The following PPP1R16B variants were observed in gnomAD, a reference collection of about 807,000 sequenced individuals.
PPP1R16B encodes protein phosphatase 1 regulatory inhibitor subunit 16B.
PPP1R16B carries 14 observed loss-of-function variants against 61.7 expected under a neutral mutation model. That is an observed-to-expected ratio of 0.23 (90% CI 0.15 to 0.35). The LOEUF is 0.35. PPP1R16B is among the 10% of genes least tolerant of loss of function. The pLI, the probability that PPP1R16B is intolerant of heterozygous loss-of-function variation, is 1.00. For synonymous variants in PPP1R16B, 266 were observed against 305.3 expected, an observed-to-expected ratio of 0.87 and a Z score of 1.34; for missense variants, 547 against 752.5, an observed-to-expected ratio of 0.73 and a Z score of 3.19.
intron 2 of PPP1R16B, among the ~76,000 whole-genome samples, chr20:38,883,799 A>T (rs955645241): frequency 1.3e-5 from 2 of 152,130 alleles, no homozygotes; most frequent in Non-Finnish European, 2.9e-5. Context: ...TTTTGTTTTT[A>T]TTTTTAAAAT....
rs938370128 is a variant in PPP1R16B at position 38,812,011 on chromosome 20, A to G, written c.-102+6219A>G. ...CAATCAATATGCATTAAAGGAATGA[A>G]TGAGGACTTGGAAGGCCTTATGTCC... is the stretch of plus-strand genomic sequence containing the variant. On this transcript the variant is annotated intron_variant, in intron 1 of 10. Transcript: ENST00000299824. 8.5e-5 allele frequency among the ~76,000 whole-genome samples: 13 copies of G among 152,352 alleles called. No individual in the cohort carries two copies. The East Asian group carries it at 1.5e-3, about 18-fold the overall frequency.
At chr20:38,843,241 A>G (rs1159633321) in intron 2 of PPP1R16B, among the ~76,000 whole-genome samples, 1 of 152,282 alleles carries the variant, frequency 6.6e-6, no homozygotes. Context: ...TCTGTTGGCT[A>G]TCTGCTTCTG....
At position 38,918,549 on chromosome 20, in the gene PPP1R16B, C is replaced by A. The variant is rs867176255; in HGVS notation, c.1587C>A (p.Ser529Arg). Residue 529 changes from serine (S) to arginine (R), a missense_variant, in exon 11 of 11, where the codon AGC (serine) becomes AGA (arginine). Physicochemically the swap from Ser to Arg is moderately radical, Grantham distance 110. Transcript: ENST00000299824. This position sits in a 1 kb window ranked among gnomAD's most constrained non-coding sequence, Gnocchi z 5.3. ...TCGGAGGCAGAACTTCACCGTACAG[C>A]AGCAATGGGACCTCGGTATATTACA... ...PLIGGRTSPY[S>R]SNGTSVYYTV... 1 of 1,571,856 alleles carries A rather than the reference C, an allele frequency of 6.4e-7. No individual in the cohort carries two copies.
rs541919037 is a variant in PPP1R16B at position 38,848,455 on chromosome 20, C to T, written c.250+12280C>T. 1.4e-3 allele frequency among the ~76,000 whole-genome samples: 210 copies of T among 152,292 alleles called. 1 individual carries two copies. Among genetic ancestry groups the T allele is most frequent in the African/African-American group, 4.9e-3 (205 of 41,556 alleles). On this transcript the variant is annotated intron_variant, in intron 2 of 10. Transcript: ENST00000299824. The stretch of plus-strand genomic sequence containing the variant: ...CAACCTGTCTATTCTGTTCCAGCAA[C>T]CTATTTTGGTGCCAGTTACATACTG...
intron 2 of PPP1R16B, among the ~76,000 whole-genome samples, chr20:38,849,630 T>C (rs2084954497): frequency 6.6e-6 from 1 of 151,644 alleles, no homozygotes; most frequent in Non-Finnish European, 1.5e-5. Context: ...CAGCTTCCCA[T>C]TAATGAAGCT....
chr20:38,841,353 GAAAAAAAAA>G lies in PPP1R16B; in HGVS notation c.250+5198_250+5206del, dbSNP rs34203271. On this transcript the variant is annotated intron_variant, in intron 2 of 10. Transcript: ENST00000299824. ...CCAGCCTGGAGAGCCTGTCTGTACTGAAAAAAAAAAAAAAAAAAAAAAAAAAAAGCCAGC... is the reference window on the plus strand; with the variant it reads ...CCAGCCTGGAGAGCCTGTCTGTACTGAAAAAAAAAAAAAAAAAAAGCCAGC... 6.1e-4 allele frequency among the ~76,000 whole-genome samples: 26 copies of G among 42,598 alleles called. No homozygotes were observed. In the East Asian group the frequency reaches 0.011, roughly 18 times the overall value. The allele number at this position is 42,598 out of a possible 152,430, so 27.9% of individuals were successfully genotyped here. A position where few individuals can be genotyped will look rare whatever the true frequency, so the allele number is the denominator to read the frequency against.
chr20:38,847,264 C>T (rs2084941325), intron 2 of PPP1R16B, among the ~76,000 whole-genome samples: 2 of 152,196 alleles, frequency 1.3e-5, no homozygotes, highest in African/African-American at 4.8e-5. Flanking sequence ...GTCCTGTTGT[C>T]TTAATTTGCA....
intron 2 of PPP1R16B, among the ~76,000 whole-genome samples, chr20:38,837,237 C>G (rs1037453326): frequency 6.6e-6 from 1 of 152,232 alleles, no homozygotes; most frequent in Non-Finnish European, 1.5e-5. Context: ...ACTTCGTTTA[C>G]ACCTCTGTAA....
At chr20:38,878,783 T>C (rs1024021602) in intron 2 of PPP1R16B, among the ~76,000 whole-genome samples, 5 of 152,246 alleles carry the variant, frequency 3.3e-5, no homozygotes, top group African/African-American at 1.2e-4. Context: ...AGTGTTTATA[T>C]GCATGTATCT....
rs148907205 is a variant in PPP1R16B, at chr20:38,877,558, C to T, written c.251-12037C>T. On this transcript the variant is annotated intron_variant, in intron 2 of 10. Coordinates refer to ENST00000299824, the MANE Select transcript of PPP1R16B (RefSeq NM_015568.4). ...AAATCCTGACGTCAGGTGATCCATC[C>T]GCCTCGGGCTCCCAAAGTGCTGGGA... Among the ~76,000 whole-genome samples the T allele has an allele frequency of 4.2e-3, 644 of 152,120 alleles. 4 individuals are homozygous for T. The highest frequency in any genetic ancestry group is 0.014 in the African/African-American group (561 of 41,480).
chr20:38,918,223 G>C lies in PPP1R16B; in HGVS notation c.1261G>C (p.Asp421His), dbSNP rs1421382642. The change falls in exon 11 of 11, where the codon GAC becomes CAC. Residue 421 changes from aspartate (D) to histidine (H), a missense_variant. Transcript: ENST00000299824. This position sits in a 1 kb window ranked among gnomAD's most constrained non-coding sequence, Gnocchi z 5.3. ...FPTKIPRGEL[D>H]MPVENGLRAP... ...TACCAAGATCCCACGAGGTGAACTG[G>C]ACATGCCTGTTGAGAATGGCCTCCG... 3 of 1,614,132 alleles carry C rather than the reference G, an allele frequency of 1.9e-6. No homozygotes were observed. The highest frequency in any genetic ancestry group is 2.5e-6 in the Non-Finnish European group (3 of 1,180,056).
chr20:38,834,795 C>T (rs1442003225), intron 1 of PPP1R16B, among the ~76,000 whole-genome samples: 2 of 151,870 alleles, frequency 1.3e-5, no homozygotes, highest in East Asian at 1.9e-4. Flanking sequence ...TAATCTATAA[C>T]ATATTTTTAT....
At chr20:38,917,826 C>G (rs1459001890) in intron 10 of PPP1R16B, among the ~76,000 whole-genome samples, 1 of 152,210 alleles carries the variant, frequency 6.6e-6, no homozygotes, top group Admixed American at 6.5e-5. Flanking sequence ...AGAAACTTCT[C>G]TTTCCCAGTT....
chr20:38,857,237 TTTC>T (rs1166249811), intron 2 of PPP1R16B, among the ~76,000 whole-genome samples: 2 of 152,230 alleles, frequency 1.3e-5, no homozygotes, highest in African/African-American at 4.8e-5. Context: ...CTTTAGGAAG[TTTC>T]TTCTTCTCTC....
chr20:38,908,936 C>CT (rs1380455959), intron 10 of PPP1R16B, among the ~76,000 whole-genome samples: 1 of 152,182 alleles, frequency 6.6e-6, no homozygotes, highest in East Asian at 1.9e-4. Flanking sequence ...TGATTCTAGT[C>CT]TCTGCTTCTA....
At chr20:38,814,898 T>G (rs898029117) in intron 1 of PPP1R16B, among the ~76,000 whole-genome samples, 1 of 152,204 alleles carries the variant, frequency 6.6e-6, no homozygotes, top group African/African-American at 2.4e-5. Context: ...TTTGGTGACT[T>G]TCTCTGTCTC....
intron 10 of PPP1R16B, among the ~76,000 whole-genome samples, chr20:38,908,414 T>C (rs1298234539): frequency 6.6e-6 from 1 of 151,624 alleles, no homozygotes; most frequent in African/African-American, 2.4e-5. Context: ...GATCGGGGAG[T>C]GTGTTAGAGG....
At chr20:38,896,439 C>A (rs2085350166) in intron 4 of PPP1R16B, among the ~76,000 whole-genome samples, 1 of 151,644 alleles carries the variant, frequency 6.6e-6, no homozygotes, top group Non-Finnish European at 1.5e-5. Flanking sequence ...ACCCTCTCCT[C>A]CCCTCAGTTC....
intron 2 of PPP1R16B, among the ~76,000 whole-genome samples, chr20:38,863,290 C>T (rs1011740549): frequency 3.3e-5 from 5 of 152,306 alleles, no homozygotes; most frequent in Middle Eastern, 3.4e-3. Flanking sequence ...TGATGCACCT[C>T]GTACTTCCCC....
Sources: allele counts gnomAD v4.1 joint callset (sites outside exome capture counted in the v4.1 genomes callset), GRCh38; gene constraint gnomAD v4.1.1; non-coding constraint Gnocchi (gnomAD v3.1); transcripts MANE v1.5; gene names NCBI Gene and HGNC (gene_info 2026-07-23, HGNC 2026-07-21).